Variants in LRRIQ1 observed in about 807,000 individuals in gnomAD.
The protein encoded by LRRIQ1 is leucine-rich repeat- and IQ domain-containing protein 1.
A neutral mutation model predicts 211.9 loss-of-function variants in LRRIQ1; 210 were observed. That is an observed-to-expected ratio of 0.99 (90% CI 0.89 to 1.11). The LOEUF (loss-of-function observed/expected upper bound fraction) is 1.11. LRRIQ1 is among the 50% of genes most tolerant of loss of function. The probability of loss-of-function intolerance (pLI) is 0.00; values close to 1 mark genes in which losing one functional copy is unlikely to be tolerated. For synonymous variants in LRRIQ1, 699 were observed against 650.1 expected (o/e 1.08, Z -1.14); for missense variants, 2,136 against 1,939.5 (o/e 1.10, Z -1.90).
intron 11 of LRRIQ1, among the ~76,000 whole-genome samples, chr12:85,075,368 T>A (rs1396710433): frequency 6.6e-6 from 1 of 151,998 alleles, no homozygotes; most frequent in Non-Finnish European, 1.5e-5. Context: ...GAAAAGAGGT[T>A]TAATTGGCTC....
rs773836081 is a variant in LRRIQ1 at position 85,040,621 on chromosome 12, GT to G, written c.244+21del. 6 of 1,413,684 alleles carry G rather than the reference GT, an allele frequency of 4.2e-6. No individual in the cohort carries two copies. The highest frequency in any genetic ancestry group is 5.9e-6 in the Non-Finnish European group (6 of 1,016,156). 87.6% of individuals were successfully genotyped at this position (1,413,684 alleles called of 1,614,324 possible). ...TTTTAAGTAAGTACTATTTTCATCT[GT>G]CTGGCAGATAAGCTTTCTGTAAGTA... On this transcript the variant is annotated intron_variant, in intron 3 of 26. Coordinates refer to ENST00000393217, the MANE Select transcript of LRRIQ1 (RefSeq NM_001079910.2).
At chr12:85,143,598 T>A (rs117091734) in intron 19 of LRRIQ1, among the ~76,000 whole-genome samples, 1,622 of 151,810 alleles carry the variant, frequency 0.011, 13 homozygotes, top group Non-Finnish European at 0.016. Flanking sequence ...CTGACCTACT[T>A]TGTGTTCATT....
chr12:85,217,230 A>G (rs900843470), intron 24 of LRRIQ1, among the ~76,000 whole-genome samples: 9 of 151,506 alleles, frequency 5.9e-5, no homozygotes, highest in Admixed American at 4.6e-4. Flanking sequence ...CATATGTGCT[A>G]TAAGCATTTC....
At chr12:85,186,640 T>C (rs1384741509) in intron 24 of LRRIQ1, among the ~76,000 whole-genome samples, 1 of 152,128 alleles carries the variant, frequency 6.6e-6, no homozygotes, top group Admixed American at 6.6e-5. Flanking sequence ...TCACAACTAG[T>C]GAAATATGCA....
intron 11 of LRRIQ1, among the ~76,000 whole-genome samples, chr12:85,080,926 A>T (rs1884215059): frequency 6.6e-6 from 1 of 151,552 alleles, no homozygotes; most frequent in South Asian, 2.1e-4. Flanking sequence ...AAATTGTGGA[A>T]CCAATTAGAG....
chr12:85,098,553 T>G lies in LRRIQ1; in HGVS notation c.3081+5T>G, dbSNP rs763671046. On this transcript the variant is annotated splice_donor_5th_base_variant and intron_variant, in intron 12 of 26. Coordinates refer to ENST00000393217, the MANE Select transcript of LRRIQ1 (RefSeq NM_001079910.2). ...CAGGGAAATTATCTGAGTGAGGTAA[T>G]TGCTTTGAATTAATTGATTTCTGTG... 1.3e-6 allele frequency: 2 copies of G among 1,592,086 alleles called. No homozygotes were observed. The highest frequency in any genetic ancestry group is 1.7e-6 in the Non-Finnish European group (2 of 1,167,946).
chr12:85,176,754 A>G (rs2136853106), intron 24 of LRRIQ1, among the ~76,000 whole-genome samples: 1 of 152,082 alleles, frequency 6.6e-6, no homozygotes, highest in South Asian at 2.1e-4. Context: ...AAAAATAAAA[A>G]AAAATTTTAA....
chr12:85,083,597 G>A (rs904167238), intron 11 of LRRIQ1, among the ~76,000 whole-genome samples: 8 of 151,868 alleles, frequency 5.3e-5, no homozygotes, highest in African/African-American at 1.5e-4. Context: ...GTGTCACCAC[G>A]CCCAGCTAAT....
intron 1 of LRRIQ1, among the ~76,000 whole-genome samples, chr12:85,262,627 G>A (rs990268059): frequency 5.0e-4 from 76 of 152,020 alleles, no homozygotes; most frequent in Non-Finnish European, 2.4e-4. Context: ...TCATTTTATA[G>A]TTGTGAAACA....
At position 85,232,703 on chromosome 12, in the gene LRRIQ1, T is replaced by A. The variant is rs1243192683; in HGVS notation, c.4963T>A (p.Phe1655Ile). 6.2e-7 allele frequency: 1 copy of A among 1,611,472 alleles called. No individual in the cohort carries two copies. Among genetic ancestry groups the A allele is most frequent in the South Asian group, 1.1e-5 (1 of 90,872 alleles). Residue 1655 changes from phenylalanine (F) to isoleucine (I), a missense_variant, in exon 26 of 27, where the codon TTT (phenylalanine) becomes ATT (isoleucine). Transcript: ENST00000393217. ...GTTTTTGTCACTATGCAGCAATCAC[T>A]TTTTGCCTGAGTTAGATCCAGATGT... ...TSSRNMKCNH[F>I]LPELDPDVLN...
chr12:85,244,047 C>A (rs1207947211), intron 26 of LRRIQ1, among the ~76,000 whole-genome samples: 15 of 151,530 alleles, frequency 9.9e-5, no homozygotes, highest in Non-Finnish European at 2.2e-4. Context: ...GGCATTTCCC[C>A]CTATTTCAGA....
At chr12:85,086,533 A>G (rs1270223328) in intron 11 of LRRIQ1, among the ~76,000 whole-genome samples, 1 of 151,902 alleles carries the variant, frequency 6.6e-6, no homozygotes, top group Non-Finnish European at 1.5e-5. Context: ...TGTCAGCACT[A>G]TGCTTCCTGT....
intron 11 of LRRIQ1, among the ~76,000 whole-genome samples, chr12:85,084,148 A>G (rs1350853372): frequency 3.3e-5 from 5 of 152,198 alleles, no homozygotes; most frequent in Admixed American, 2.6e-4. Flanking sequence ...CTGCTTACAT[A>G]TAACATTCTA....
At chr12:85,074,348 A>C (rs1242026163) in intron 11 of LRRIQ1, among the ~76,000 whole-genome samples, 1 of 151,768 alleles carries the variant, frequency 6.6e-6, no homozygotes, top group Non-Finnish European at 1.5e-5. Flanking sequence ...TATTTATGGG[A>C]TAATGTGATG....
At chr12:85,163,873 A>G (rs981460834) in intron 24 of LRRIQ1, among the ~76,000 whole-genome samples, 1 of 152,144 alleles carries the variant, frequency 6.6e-6, no homozygotes, top group South Asian at 2.1e-4. Flanking sequence ...TTGTCTGGCT[A>G]CCAGATTTAG....
intron 18 of LRRIQ1, among the ~76,000 whole-genome samples, chr12:85,131,134 C>A (rs1888727922): frequency 6.6e-6 from 1 of 151,510 alleles, no homozygotes; most frequent in South Asian, 2.1e-4. Flanking sequence ...TCTCTTGAAC[C>A]CAGAGGGGAA....
chr12:85,090,522 C>G (rs561284805), intron 11 of LRRIQ1, among the ~76,000 whole-genome samples: 2 of 152,318 alleles, frequency 1.3e-5, no homozygotes, highest in East Asian at 3.9e-4. Context: ...CCAACCCTTA[C>G]AGCATTGTAC....
chr12:85,197,622 G>A, intron 24 of LRRIQ1, among the ~76,000 whole-genome samples: 1 of 151,306 alleles, frequency 6.6e-6, no homozygotes. Flanking sequence ...GGTGGGAACT[G>A]AACAATGAGA....
At chr12:85,062,322 T>C (rs1490583326) in intron 8 of LRRIQ1, among the ~76,000 whole-genome samples, 1 of 151,754 alleles carries the variant, frequency 6.6e-6, no homozygotes, top group Non-Finnish European at 1.5e-5. Context: ...TAGTACCCAG[T>C]AGGTAGTTTT....
Sources: gnomAD v4.1 joint callset for allele counts (sites outside exome capture counted in the v4.1 genomes callset) on GRCh38, gnomAD v4.1.1 for gene constraint, MANE v1.5 for transcripts, NCBI Gene and HGNC (gene_info 2026-07-23, HGNC 2026-07-21) for gene names.